CERS5: variants seen among roughly 807,000 people sequenced by gnomAD.
The protein encoded by CERS5 is LAG1 homolog, ceramide synthase 5.
A neutral mutation model predicts 58.9 loss-of-function variants in CERS5; 37 were observed. The ratio of observed to expected loss-of-function variants is 0.63; its 90% CI spans 0.48 to 0.83. The LOEUF (loss-of-function observed/expected upper bound fraction) is 0.83, where lower values mean the gene tolerates loss of function less well. CERS5 is among the 40% of genes least tolerant of loss of function. The pLI is 0.00. For synonymous variants in CERS5, 147 were observed against 177.8 expected, an observed-to-expected ratio of 0.83 and a Z score of 1.38; for missense variants, 398 against 489.3, an observed-to-expected ratio of 0.81 and a Z score of 1.76.
At chr12:50,146,635 G>A (rs1952284274) in intron 1 of CERS5, among the ~76,000 whole-genome samples, 1 of 152,032 alleles carries the variant, frequency 6.6e-6, no homozygotes, top group Non-Finnish European at 1.5e-5. Context: ...CGAGGTGGGC[G>A]GATCACGAGG....
intron 6 of CERS5, 126 bp from the exon 7 acceptor site, chr12:50,136,195 G>C (rs1006722366): frequency 3.6e-5 from 29 of 808,882 alleles, no homozygotes; most frequent in Non-Finnish European, 4.5e-5. Context: ...TCCATTGGCC[G>C]GGCGAGGTGG....
intron 1 of CERS5, chr12:50,154,276 C>T: frequency 2.9e-6 from 1 of 340,284 alleles, no homozygotes; most frequent in South Asian, 2.2e-5. Flanking sequence ...TCGCTTGAAC[C>T]AGGGAGTCGA....
intron 1 of CERS5, among the ~76,000 whole-genome samples, chr12:50,151,513 G>C (rs1937954147): frequency 6.6e-6 from 1 of 152,156 alleles, no homozygotes; most frequent in Non-Finnish European, 1.5e-5. Flanking sequence ...TGCTAGTTGA[G>C]TCACCTTGGA....
At chr12:50,158,591 T>C (rs907590914) in intron 1 of CERS5, among the ~76,000 whole-genome samples, 1 of 152,178 alleles carries the variant, frequency 6.6e-6, no homozygotes, top group Non-Finnish European at 1.5e-5. Context: ...AAATTAAAAC[T>C]CAGCCTTATC....
rs566001993 is a variant in CERS5 at position 50,151,936 on chromosome 12, G to A, written c.198-7879C>T. Among the ~76,000 whole-genome samples, 7 of 152,332 alleles carry A rather than the reference G, an allele frequency of 4.6e-5. No individual in the cohort carries two copies. In the South Asian group the frequency reaches 6.2e-4, roughly 14 times the overall value. On this transcript the variant is annotated intron_variant, in intron 1 of 9. Transcript: ENST00000317551. ...GTTGGGATTACAGGCGTGAGTCGCC[G>A]TGCGCGGCCTATACCAACTACTAAT...
In CERS5 at chr12:50,130,294, C is replaced by T. The variant is rs764538860; in HGVS notation, c.*251G>A. ...GCCCCAACCCCGGCAATGAAACTCA[C>T]GCATATGCACAAACGCACATCAACA... On this transcript the variant is annotated 3_prime_UTR_variant, in exon 10 of 10. Transcript: ENST00000317551. 2.4e-5 allele frequency: 8 copies of T among 339,898 alleles called. No homozygotes were observed. Among genetic ancestry groups the T allele is most frequent in the South Asian group, 2.3e-4 (2 of 8,814 alleles). 21.1% of individuals were successfully genotyped at this position (339,898 alleles called of 1,614,324 possible). A position where few individuals can be genotyped will look rare whatever the true frequency, so the allele number is the denominator to read the frequency against.
At chr12:50,142,548 C>CAAAAAA (rs55654212) in intron 3 of CERS5, among the ~76,000 whole-genome samples, 1 of 86,788 alleles carries the variant, frequency 1.2e-5, no homozygotes, top group African/African-American at 4.3e-5. Flanking sequence ...GACTCCGTCT[C>CAAAAAA]AAAAAAAAAA....
chr12:50,156,435 T>TAG, intron 1 of CERS5, among the ~76,000 whole-genome samples: 1 of 131,054 alleles, frequency 7.6e-6, no homozygotes, highest in Non-Finnish European at 1.6e-5. Flanking sequence ...TATATATATA[T>TAG]ATAAAACAAT....
intron 9 of CERS5, 46 bp from the exon 10 acceptor site, chr12:50,130,740 A>AAGAC (rs757971936): frequency 1.3e-6 from 2 of 1,519,158 alleles, no homozygotes; most frequent in Admixed American, 1.8e-5. Context: ...AAAGAACTGT[A>AAGAC]AGACACCTAA....
intron 1 of CERS5, among the ~76,000 whole-genome samples, chr12:50,156,186 G>A (rs1220237679): frequency 1.3e-5 from 2 of 148,956 alleles, no homozygotes; most frequent in Admixed American, 6.8e-5. Context: ...TGGATCACAA[G>A]GTCAGGAGAT....
intron 3 of CERS5, among the ~76,000 whole-genome samples, chr12:50,142,548 CAAA>C (rs55654212): frequency 1.2e-5 from 1 of 86,784 alleles, no homozygotes; most frequent in Non-Finnish European, 2.4e-5. Flanking sequence ...GACTCCGTCT[CAAA>C]AAAAAAAAAA....
chr12:50,142,820 T>A (rs893090950), intron 3 of CERS5, among the ~76,000 whole-genome samples: 1 of 152,210 alleles, frequency 6.6e-6, no homozygotes, highest in East Asian at 1.9e-4. Flanking sequence ...AGTACAGTTA[T>A]AAGGATTTAC....
intron 1 of CERS5, chr12:50,144,888 C>G (rs1170492676): frequency 1.2e-6 from 1 of 850,282 alleles, no homozygotes; most frequent in Non-Finnish European, 1.7e-6. Context: ...GTAATCCCAG[C>G]ACTTTGGGAG....
At chr12:50,160,435 G>A (rs1269389305) in intron 1 of CERS5, among the ~76,000 whole-genome samples, 1 of 152,126 alleles carries the variant, frequency 6.6e-6, no homozygotes, top group Non-Finnish European at 1.5e-5. Context: ...AATCCCCACT[G>A]AGAGAATGGC....
In CERS5 at chr12:50,133,642, C is replaced by T. The variant is rs1036132186; in HGVS notation, c.1029+904G>A. 5.1e-6 allele frequency: 5 copies of T among 985,346 alleles called. No homozygotes were observed. The Admixed American group carries it at 2.5e-4, about 48-fold the overall frequency. 61.0% of individuals were successfully genotyped at this position (985,346 alleles called of 1,614,324 possible). A position where few individuals can be genotyped will look rare whatever the true frequency, so the allele number is the denominator to read the frequency against. The stretch of plus-strand genomic sequence containing the variant: ...AAGAAAAATATGAAATCCACTGAAG[C>T]AGGTAGGTAAGGGGTAGGAAATGGT... On this transcript the variant is annotated intron_variant, in intron 9 of 9. Coordinates refer to ENST00000317551, the MANE Select transcript of CERS5 (RefSeq NM_147190.5).
At chr12:50,166,647 G>A (rs950025892) in intron 1 of CERS5, among the ~76,000 whole-genome samples, 2 of 152,206 alleles carry the variant, frequency 1.3e-5, no homozygotes, top group Non-Finnish European at 2.9e-5. Flanking sequence ...TTAAGAGTCT[G>A]ATGAGTCCAT....
At chr12:50,163,623 G>A (rs1304837643) in intron 1 of CERS5, among the ~76,000 whole-genome samples, 1 of 152,152 alleles carries the variant, frequency 6.6e-6, no homozygotes, top group Non-Finnish European at 1.5e-5. Context: ...TTGAGGCCAG[G>A]AGCTCAGGCC....
intron 1 of CERS5, 64 bp downstream of exon 1, chr12:50,167,037 T>C (rs1023931193): frequency 3.8e-5 from 50 of 1,306,842 alleles, no homozygotes; most frequent in Non-Finnish European, 5.1e-5. Flanking sequence ...CCCTCGGCCC[T>C]TCCCACAGCG....
intron 8 of CERS5, among the ~76,000 whole-genome samples, chr12:50,135,212 G>GA (rs796832953): frequency 6.3e-5 from 3 of 47,360 alleles, no homozygotes; most frequent in Admixed American, 5.1e-4. Context: ...GAGAGGAGAG[G>GA]GAGGGAGAGA....
Sources: gnomAD v4.1 joint callset for allele counts (sites outside exome capture counted in the v4.1 genomes callset) on GRCh38, gnomAD v4.1.1 for gene constraint, MANE v1.5 for transcripts, NCBI Gene and HGNC (gene_info 2026-07-23, HGNC 2026-07-21) for gene names.